Variants in SGCZ observed in about 807,000 individuals in gnomAD.
SGCZ encodes the protein sarcoglycan zeta, also known as zeta-sarcoglycan.
In SGCZ, 40 loss-of-function variants were observed where a neutral mutation model predicts 41.3. The observed-to-expected ratio is 0.97, with a 90% CI of 0.75 to 1.26. SGCZ has a LOEUF of 1.26. SGCZ is among the 50% of genes most tolerant of loss of function. SGCZ has a pLI of 0.00. For missense variants in SGCZ, 552 were observed against 369.8 expected, an observed-to-expected ratio of 1.49 and a Z score of -4.04; for synonymous variants, 206 against 137.5, an observed-to-expected ratio of 1.50 and a Z score of -3.49.
chr8:14,502,696 A>T (rs1453075544), intron 2 of SGCZ, among the ~76,000 whole-genome samples: 2 of 152,222 alleles, frequency 1.3e-5, no homozygotes, highest in East Asian at 3.8e-4. Context: ...TAAACATGAA[A>T]AAAAGCTCAT....
At chr8:14,218,787 G>C (rs1384186956) in intron 4 of SGCZ, among the ~76,000 whole-genome samples, 2 of 152,178 alleles carry the variant, frequency 1.3e-5, no homozygotes, top group Non-Finnish European at 2.9e-5. Flanking sequence ...CAACGCATTT[G>C]GTCCAGGAAC....
At chr8:14,497,778 G>A (rs1000531698) in intron 2 of SGCZ, among the ~76,000 whole-genome samples, 2 of 152,060 alleles carry the variant, frequency 1.3e-5, no homozygotes, top group Non-Finnish European at 2.9e-5. Context: ...CAACATTGGG[G>A]AACGCATTTC....
intron 3 of SGCZ, among the ~76,000 whole-genome samples, chr8:14,275,653 C>A (rs1050122590): frequency 1.3e-5 from 2 of 152,148 alleles, no homozygotes; most frequent in Admixed American, 1.3e-4. Context: ...CTTACGGACA[C>A]TGATAGGCAA....
chr8:14,880,592 G>A (rs530511591), intron 1 of SGCZ, among the ~76,000 whole-genome samples: 1 of 152,136 alleles, frequency 6.6e-6, no homozygotes, highest in African/African-American at 2.4e-5. Flanking sequence ...AGAAAATGTG[G>A]CACATATACA....
At chr8:14,624,555 A>ATTATTTTTTT (rs1438250019) in intron 1 of SGCZ, among the ~76,000 whole-genome samples, 2 of 96,266 alleles carry the variant, frequency 2.1e-5, no homozygotes, top group African/African-American at 4.0e-5. Context: ...TATTATTATT[A>ATTATTTTTTT]TTTTTTTTTT....
rs142676041 is a variant in SGCZ, at chr8:15,125,370, T to G, written c.39+112215A>C. Among the ~76,000 whole-genome samples the G allele has an allele frequency of 1.9e-3, 283 of 152,284 alleles. 4 individuals are homozygous for G. In the Middle Eastern group the frequency reaches 0.02, roughly 11 times the overall value. On this transcript the variant is annotated intron_variant, in intron 1 of 7. Coordinates refer to ENST00000382080, the MANE Select transcript of SGCZ (RefSeq NM_139167.4). The stretch of plus-strand genomic sequence containing the variant: ...TGGACGCTGCAGTTCCAGACAGATA[T>G]AGCAACTTCAGGCCACTTTTCTACA...
chr8:14,206,183 T>C (rs1805609601), intron 4 of SGCZ, among the ~76,000 whole-genome samples: 2 of 152,150 alleles, frequency 1.3e-5, no homozygotes, highest in African/African-American at 2.4e-5. Context: ...CATATCCTTA[T>C]AGTATGATCT....
intron 1 of SGCZ, among the ~76,000 whole-genome samples, chr8:15,144,108 G>T (rs1225990229): frequency 6.6e-6 from 1 of 152,110 alleles, no homozygotes; most frequent in Admixed American, 6.5e-5. Context: ...CAAAATATCT[G>T]TTTCATTTCT....
At chr8:14,469,225 T>C (rs965880036) in intron 2 of SGCZ, among the ~76,000 whole-genome samples, 7 of 152,158 alleles carry the variant, frequency 4.6e-5, no homozygotes, top group African/African-American at 1.4e-4. Flanking sequence ...CTACTACCTA[T>C]ACAGAAAGAC....
intron 2 of SGCZ, among the ~76,000 whole-genome samples, chr8:14,446,108 G>C (rs1800425506): frequency 6.6e-6 from 1 of 152,126 alleles, no homozygotes; most frequent in East Asian, 1.9e-4. Context: ...ACCCAAGTAA[G>C]TCATAGTCAA....
chr8:14,936,285 C>A (rs1376194637), intron 1 of SGCZ, among the ~76,000 whole-genome samples: 1 of 151,836 alleles, frequency 6.6e-6, no homozygotes, highest in African/African-American at 2.4e-5. Context: ...TTTGAAAATA[C>A]CCTAAGTCTT....
chr8:14,484,022 C>T (rs944904739), intron 2 of SGCZ, among the ~76,000 whole-genome samples: 15 of 152,174 alleles, frequency 9.9e-5, no homozygotes, highest in South Asian at 4.2e-4. Context: ...CCTTAATGAC[C>T]ATAGAAGAAC....
intron 1 of SGCZ, among the ~76,000 whole-genome samples, chr8:14,620,616 C>A (rs1241706470): frequency 2.0e-5 from 3 of 151,984 alleles, no homozygotes; most frequent in Admixed American, 6.6e-5. Context: ...ACCCCATCAA[C>A]AAGTGGGCAA....
intron 1 of SGCZ, among the ~76,000 whole-genome samples, chr8:14,937,370 T>C (rs1346739218): frequency 6.6e-6 from 1 of 152,064 alleles, no homozygotes; most frequent in Non-Finnish European, 1.5e-5. Context: ...ATTAGCAATT[T>C]TGAAGTTTTA....
chr8:14,590,968 C>G (rs1277127414), intron 1 of SGCZ, among the ~76,000 whole-genome samples: 9 of 150,360 alleles, frequency 6.0e-5, no homozygotes, highest in African/African-American at 9.7e-5. Context: ...TATATGCAAA[C>G]ACATATTTTT....
chr8:14,753,094 C>A (rs2130324819), intron 1 of SGCZ, among the ~76,000 whole-genome samples: 1 of 152,296 alleles, frequency 6.6e-6, no homozygotes, highest in Non-Finnish European at 1.5e-5. Flanking sequence ...CAGCTATCAT[C>A]AGTCTTGGAG....
intron 1 of SGCZ, among the ~76,000 whole-genome samples, chr8:14,901,616 G>A (rs1798974769): frequency 6.6e-6 from 1 of 151,946 alleles, no homozygotes; most frequent in South Asian, 2.1e-4. Context: ...ATTTTCGGGT[G>A]AAAAAATCCT....
chr8:14,372,459 C>G (rs141211683), intron 2 of SGCZ, among the ~76,000 whole-genome samples: 471 of 152,114 alleles, frequency 3.1e-3, no homozygotes, highest in Admixed American at 7.9e-3. Flanking sequence ...TGTGGCTTCA[C>G]AGAACTTACA....
At chr8:14,206,071 T>C (rs560602841) in intron 4 of SGCZ, among the ~76,000 whole-genome samples, 1 of 152,238 alleles carries the variant, frequency 6.6e-6, no homozygotes, top group South Asian at 2.1e-4. Context: ...ATTAAACATT[T>C]CTCTACCATT....
Sources: allele counts gnomAD v4.1 joint callset (sites outside exome capture counted in the v4.1 genomes callset), GRCh38; gene constraint gnomAD v4.1.1; transcripts MANE v1.5; gene names NCBI Gene and HGNC (gene_info 2026-07-23, HGNC 2026-07-21).